The following FHOD3 variants were observed in gnomAD, a reference collection of about 807,000 sequenced individuals.
The protein encoded by FHOD3 is formin homology 2 domain containing 3, also known as FH1/FH2 domain-containing protein 3.
A neutral mutation model predicts 173.0 loss-of-function variants in FHOD3; 90 were observed. The observed-to-expected ratio is 0.52, with a 90% CI of 0.44 to 0.62. The LOEUF (loss-of-function observed/expected upper bound fraction) is 0.62. Among genes scored for constraint, FHOD3 ranks in the 20% least tolerant of loss-of-function variants. FHOD3 has a pLI of 0.00. For synonymous variants in FHOD3, 828 were observed against 823.0 expected, an observed-to-expected ratio of 1.01 and a Z score of -0.10; for missense variants, 1,945 against 2,034.7, an observed-to-expected ratio of 0.96 and a Z score of 0.85.
chr18:36,298,205 C>T (rs983391972), intron 1 of FHOD3, among the ~76,000 whole-genome samples: 1 of 151,644 alleles, frequency 6.6e-6, no homozygotes, highest in South Asian at 2.1e-4. Flanking sequence ...CCGGGGCGGG[C>T]GGGAAGGAAC....
chr18:36,651,491 G>A (rs958115408), intron 11 of FHOD3, among the ~76,000 whole-genome samples: 47 of 152,298 alleles, frequency 3.1e-4, no homozygotes, highest in African/African-American at 1.0e-3. Context: ...GGTGGCTCAC[G>A]CCTGTAATCC....
intron 1 of FHOD3, among the ~76,000 whole-genome samples, chr18:36,335,449 C>T (rs377627353): frequency 2.7e-4 from 41 of 150,168 alleles, no homozygotes; most frequent in African/African-American, 9.6e-4. Flanking sequence ...GAGCCGAGAT[C>T]GCGCCACTGC....
chr18:36,626,273 C>G (rs1199753896), intron 10 of FHOD3, among the ~76,000 whole-genome samples: 1 of 152,118 alleles, frequency 6.6e-6, no homozygotes. Flanking sequence ...TATTGAGTGT[C>G]TGTTAGAGGC....
Position 36,718,370 on chromosome 18 carries a change from A to AAC in FHOD3, c.3072_3073insAC (p.Pro1025ThrfsTer44). On this transcript the variant is annotated frameshift_variant, in exon 19 of 29. Transcript: ENST00000590592. LOFTEE classifies it high-confidence loss of function. ...GGGAGGCCCCTGGGCCACCTCCCCC[A>AAC]CCCCCACCCACCTTTCTGGGTTTGC... The AAC allele has an allele frequency of 1.2e-5, 6 of 485,466 alleles. No individual in the cohort carries two copies. The highest frequency in any genetic ancestry group is 1.8e-5 in the Non-Finnish European group (6 of 331,150). 30.1% of individuals were successfully genotyped at this position (485,466 alleles called of 1,614,324 possible). A position where few individuals can be genotyped will look rare whatever the true frequency, so the allele number is the denominator to read the frequency against.
chr18:36,686,250 A>T (rs558838648), intron 15 of FHOD3, among the ~76,000 whole-genome samples: 2 of 152,246 alleles, frequency 1.3e-5, no homozygotes, highest in East Asian at 3.9e-4. Flanking sequence ...TGGTACATAT[A>T]CACCATGGAA....
chr18:36,532,163 A>G (rs1339162945), intron 5 of FHOD3, among the ~76,000 whole-genome samples: 1 of 152,164 alleles, frequency 6.6e-6, no homozygotes, highest in Non-Finnish European at 1.5e-5. Context: ...TTTATTCTCC[A>G]TAACCGTAAT....
intron 5 of FHOD3, among the ~76,000 whole-genome samples, chr18:36,545,321 T>G (rs2057371816): frequency 6.6e-6 from 1 of 152,214 alleles, no homozygotes; most frequent in African/African-American, 2.4e-5. Flanking sequence ...TGATAACTGC[T>G]GTGAAGAAAA....
Position 36,681,493 on chromosome 18 carries a change from A to G in FHOD3, c.1893A>G (p.Ala631=). 1 of 1,614,008 alleles carries G rather than the reference A, an allele frequency of 6.2e-7. No homozygotes were observed. The highest frequency in any genetic ancestry group is 1.1e-5 in the South Asian group (1 of 91,066). The change falls in exon 15 of 29, where the codon GCA becomes GCG. Residue 631 remains alanine (A), a synonymous_variant. Transcript: ENST00000590592. The part of the protein sequence containing the change: ...SSFRQHQESL[A]AERERRRQER... ...TCAGGCAGCACCAAGAGTCACTGGC[A>G]GCAGAGAGAGAGAGGCGGCGGCAGG...
chr18:36,674,475 C>T (rs1462012425), intron 14 of FHOD3, among the ~76,000 whole-genome samples: 1 of 152,164 alleles, frequency 6.6e-6, no homozygotes, highest in Non-Finnish European at 1.5e-5. Flanking sequence ...GAACTCCTGG[C>T]CTTGAGCAGT....
At chr18:36,525,165 T>A (rs1159622151) in intron 5 of FHOD3, among the ~76,000 whole-genome samples, 1 of 151,802 alleles carries the variant, frequency 6.6e-6, no homozygotes, top group Non-Finnish European at 1.5e-5. Flanking sequence ...ATTGCAAAGG[T>A]GAAAGGGTTT....
intron 17 of FHOD3, among the ~76,000 whole-genome samples, chr18:36,706,693 G>T (rs959024843): frequency 1.3e-5 from 2 of 152,226 alleles, no homozygotes; most frequent in African/African-American, 4.8e-5. Context: ...GATCCCTGGG[G>T]TGGTGAGTAG....
At chr18:36,673,515 G>A (rs2037664123) in intron 14 of FHOD3, among the ~76,000 whole-genome samples, 1 of 152,132 alleles carries the variant, frequency 6.6e-6, no homozygotes, top group Non-Finnish European at 1.5e-5. Context: ...CCTGAGTAAA[G>A]TATTCCTAAT....
intron 3 of FHOD3, among the ~76,000 whole-genome samples, chr18:36,429,594 A>G (rs2050424469): frequency 6.6e-6 from 1 of 152,206 alleles, no homozygotes; most frequent in Non-Finnish European, 1.5e-5. Context: ...TTAGCTTGTT[A>G]GCACAGATAA....
intron 1 of FHOD3, among the ~76,000 whole-genome samples, chr18:36,349,886 C>T (rs1029016431): frequency 1.3e-5 from 2 of 152,146 alleles, no homozygotes; most frequent in African/African-American, 4.8e-5. Flanking sequence ...CTGCCTGAGC[C>T]TCCTGAGTAG....
At chr18:36,541,964 T>C (rs189329455) in intron 5 of FHOD3, among the ~76,000 whole-genome samples, 127 of 152,272 alleles carry the variant, frequency 8.3e-4, no homozygotes, top group African/African-American at 3.0e-3. Flanking sequence ...CAGGGAGAGG[T>C]AGATTTGTGC....
chr18:36,744,145 C>G lies in FHOD3; in HGVS notation c.3993C>G (p.Asp1331Glu), dbSNP rs2042037988. The change falls in exon 23 of 29, where the codon GAC becomes GAG. Residue 1331 changes from aspartate to glutamate, a missense_variant. Coordinates refer to ENST00000590592, the MANE Select transcript of FHOD3 (RefSeq NM_001281740.3). ...CCATGGTGGTAGAAAACTTCCCAGA[C>G]AGCTCCGATCTGTACTCGGAGATCG... Reference protein sequence around the residue: ...VCTMVVENFPDSSDLYSEIGA... With the variant: ...VCTMVVENFPESSDLYSEIGA... The G allele has an allele frequency of 6.2e-7, 1 of 1,614,080 alleles. No individual in the cohort carries two copies. Among genetic ancestry groups the G allele is most frequent in the Admixed American group, 1.7e-5 (1 of 60,004 alleles).
chr18:36,738,667 T>C (rs2041759589), intron 20 of FHOD3, among the ~76,000 whole-genome samples: 1 of 152,224 alleles, frequency 6.6e-6, no homozygotes, highest in Non-Finnish European at 1.5e-5. Flanking sequence ...AGTCTAGTTG[T>C]TCTAACACCA....
chr18:36,477,527 C>T lies in FHOD3; in HGVS notation c.338-24405C>T, dbSNP rs1283968319. 7.1e-5 allele frequency among the ~76,000 whole-genome samples: 7 copies of T among 97,990 alleles called. 1 individual carries two copies. Among genetic ancestry groups the T allele is most frequent in the South Asian group, 6.3e-4 (2 of 3,178 alleles). 64.3% of individuals were successfully genotyped at this position (97,990 alleles called of 152,430 possible). A position where few individuals can be genotyped will look rare whatever the true frequency, so the allele number is the denominator to read the frequency against. On this transcript the variant is annotated intron_variant, in intron 3 of 28. Transcript: ENST00000590592. Reference sequence around the variant, plus strand: ...TCCATCCATCCATCCATCCATCCATCCACCCACCCACCCACCCACCTACCT... The same window carrying T: ...TCCATCCATCCATCCATCCATCCATTCACCCACCCACCCACCCACCTACCT...
intron 3 of FHOD3, among the ~76,000 whole-genome samples, chr18:36,381,065 A>T (rs1472274486): frequency 6.6e-6 from 1 of 152,196 alleles, no homozygotes; most frequent in Non-Finnish European, 1.5e-5. Context: ...CATTGAAATC[A>T]TCTTTAGCCC....
Sources: allele counts gnomAD v4.1 joint callset (sites outside exome capture counted in the v4.1 genomes callset), GRCh38; gene constraint gnomAD v4.1.1; transcripts MANE v1.5; gene names NCBI Gene and HGNC (gene_info 2026-07-23, HGNC 2026-07-21).